TRIM55: variants seen among roughly 807,000 people sequenced by gnomAD.
TRIM55 encodes tripartite motif-containing protein 55.
A neutral mutation model predicts 60.9 loss-of-function variants in TRIM55; 50 were observed. The ratio of observed to expected loss-of-function variants is 0.82; its 90% CI spans 0.65 to 1.04. The LOEUF is 1.04. TRIM55 is among the 50% of genes least tolerant of loss of function. The pLI is 0.00. For missense variants in TRIM55, 681 were observed against 666.9 expected, an observed-to-expected ratio of 1.02 and a Z score of -0.23; for synonymous variants, 237 against 238.1, an observed-to-expected ratio of 1.00 and a Z score of 0.04.
the TRIM55 span, among the ~76,000 whole-genome samples, chr8:66,117,524 G>C: frequency 3.3e-5 from 5 of 152,238 alleles, no homozygotes; most frequent in South Asian, 1.0e-3. Context: ...TATTTCTCTG[G>C]ACAGTGCAAG....
intron 9 of TRIM55, among the ~76,000 whole-genome samples, chr8:66,166,901 G>T (rs1012020945): frequency 2.6e-5 from 4 of 152,176 alleles, no homozygotes; most frequent in Non-Finnish European, 4.4e-5. Context: ...GTGACCAGGG[G>T]CTGTTCTGCT....
chr8:66,139,267 C>A (rs997437379), intron 4 of TRIM55, among the ~76,000 whole-genome samples: 1 of 152,104 alleles, frequency 6.6e-6, no homozygotes, highest in South Asian at 2.1e-4. Context: ...CAGGGCTTTA[C>A]CGGAGATGTC....
In TRIM55 at chr8:66,128,231, A is replaced by G. The variant is rs576802562; in HGVS notation, c.169-73A>G. 1.3e-4 allele frequency: 178 copies of G among 1,356,708 alleles called. No individual in the cohort carries two copies. The East Asian group carries it at 4.1e-3, about 31-fold the overall frequency. The allele number at this position is 1,356,708 out of a possible 1,614,324, so 84.0% of individuals were successfully genotyped here. A position where few individuals can be genotyped will look rare whatever the true frequency, so the allele number is the denominator to read the frequency against. ...AAGTTCATGTTGTTTGTAGTAGCAG[A>G]GAGTGAAAATAAGTCTCAGAGAAGC... On this transcript the variant is annotated intron_variant, in intron 1 of 9. Coordinates refer to ENST00000315962, the MANE Select transcript of TRIM55 (RefSeq NM_184085.2).
chr8:66,140,921 A>G (rs1464690211), intron 4 of TRIM55, among the ~76,000 whole-genome samples: 1 of 152,172 alleles, frequency 6.6e-6, no homozygotes, highest in African/African-American at 2.4e-5. Flanking sequence ...AGAGTTCCTT[A>G]GGGATGGGAA....
intron 9 of TRIM55, among the ~76,000 whole-genome samples, chr8:66,168,215 C>A (rs541810229): frequency 6.6e-6 from 1 of 152,176 alleles, no homozygotes; most frequent in South Asian, 2.1e-4. Context: ...GAAATAGACA[C>A]CTATGATGGC....
At chr8:66,174,422 A>T (rs927653029) in intron 9 of TRIM55, 49 bp from the exon 10 acceptor site, 5 of 1,590,054 alleles carry the variant, frequency 3.1e-6, no homozygotes, top group Non-Finnish European at 3.4e-6. Flanking sequence ...GACCAATCCA[A>T]AAAGAACAAA....
chr8:66,116,569 T>C, the TRIM55 span, among the ~76,000 whole-genome samples: 2 of 148,946 alleles, frequency 1.3e-5, no homozygotes, highest in African/African-American at 5.0e-5. Flanking sequence ...ATTGCGCCAC[T>C]GCACTCTAGC....
At chr8:66,164,546 A>G (rs1429741955) in intron 9 of TRIM55, among the ~76,000 whole-genome samples, 1 of 152,202 alleles carries the variant, frequency 6.6e-6, no homozygotes, top group Non-Finnish European at 1.5e-5. Flanking sequence ...AGAAAGTCCA[A>G]TGGTTCCCAG....
At chr8:66,139,643 A>G (rs1379649725) in intron 4 of TRIM55, among the ~76,000 whole-genome samples, 3 of 152,204 alleles carry the variant, frequency 2.0e-5, no homozygotes, top group African/African-American at 7.2e-5. Context: ...TTCATTGAAC[A>G]TGACACACTT....
intron 7 of TRIM55, 157 bp from the exon 8 acceptor site, chr8:66,152,219 CA>C (rs1481068060): frequency 6.0e-6 from 6 of 995,536 alleles, no homozygotes; most frequent in Middle Eastern, 3.3e-4. Flanking sequence ...ACTAGAAGCA[CA>C]AAGCCCTGGC....
At chr8:66,165,985 A>G (rs1046958572) in intron 9 of TRIM55, among the ~76,000 whole-genome samples, 10 of 151,604 alleles carry the variant, frequency 6.6e-5, no homozygotes, top group Middle Eastern at 3.4e-3. Flanking sequence ...AGTGCCAGAT[A>G]TTGGGGGCCT....
At chr8:66,155,778 T>C in intron 9 of TRIM55, 1 of 1,105,098 alleles carries the variant, frequency 9.0e-7, no homozygotes, top group Non-Finnish European at 1.3e-6. Flanking sequence ...TCCTCTTCTA[T>C]AGGCCCAGAG....
intron 9 of TRIM55, among the ~76,000 whole-genome samples, chr8:66,167,167 T>C (rs1233233315): frequency 6.6e-6 from 1 of 152,144 alleles, no homozygotes; most frequent in African/African-American, 2.4e-5. Context: ...TATGAACAAC[T>C]CTTGGCACTT....
At chr8:66,154,812 A>T (rs1302629359) in intron 9 of TRIM55, among the ~76,000 whole-genome samples, 1 of 152,216 alleles carries the variant, frequency 6.6e-6, no homozygotes, top group Non-Finnish European at 1.5e-5. Context: ...CCTCTGATTC[A>T]TGGATTCTTG....
chr8:66,167,994 C>A (rs1811418270), intron 9 of TRIM55, among the ~76,000 whole-genome samples: 1 of 152,170 alleles, frequency 6.6e-6, no homozygotes, highest in Admixed American at 6.5e-5. Context: ...AAGCAATCCT[C>A]CTGCCTCAGC....
chr8:66,120,786 C>T, the TRIM55 span, among the ~76,000 whole-genome samples: 2 of 152,162 alleles, frequency 1.3e-5, no homozygotes, highest in African/African-American at 4.8e-5. Context: ...TTCTTTTTGG[C>T]TCTAATAAAA....
intron 9 of TRIM55, among the ~76,000 whole-genome samples, chr8:66,168,851 G>A (rs1326847530): frequency 6.6e-6 from 1 of 152,196 alleles, no homozygotes; most frequent in African/African-American, 2.4e-5. Flanking sequence ...AATATTTCTA[G>A]GTAAAGTATT....
At chr8:66,168,477 C>G (rs1811445038) in intron 9 of TRIM55, among the ~76,000 whole-genome samples, 2 of 152,250 alleles carry the variant, frequency 1.3e-5, no homozygotes, top group African/African-American at 4.8e-5. Flanking sequence ...CCTACTCACA[C>G]CTGCTTCCAG....
chr8:66,126,970 T>G, upstream of TRIM55: 1 of 270,136 alleles, frequency 3.7e-6, no homozygotes, highest in Admixed American at 5.1e-5. Context: ...TAATCCTCCT[T>G]CCCACCCACT....
Sources: gnomAD v4.1 joint callset for allele counts (sites outside exome capture counted in the v4.1 genomes callset) on GRCh38, gnomAD v4.1.1 for gene constraint, MANE v1.5 for transcripts, NCBI Gene and HGNC (gene_info 2026-07-23, HGNC 2026-07-21) for gene names.